APOL2: variants seen among roughly 807,000 people sequenced by gnomAD.
The protein encoded by APOL2 is apolipoprotein L2, also known as apolipoprotein L, 2.
In APOL2, 8 loss-of-function variants were observed where a neutral mutation model predicts 7.1. That is an observed-to-expected ratio of 1.12 (90% CI 0.66 to 2.03). The LOEUF (loss-of-function observed/expected upper bound fraction) is 2.03, where lower values mean the gene tolerates loss of function less well. Ranked by LOEUF, APOL2 falls within the 30% of genes most tolerant of loss-of-function variation. APOL2 has a pLI of 0.00. For missense variants in APOL2, 471 were observed against 415.1 expected (o/e 1.13, Z -1.17); for synonymous variants, 177 against 159.9 (o/e 1.11, Z -0.81).
At chr22:36,229,992 AG>A (rs1242509213) in intron 4 of APOL2, among the ~76,000 whole-genome samples, 1 of 152,194 alleles carries the variant, frequency 6.6e-6, no homozygotes, top group Non-Finnish European at 1.5e-5. Flanking sequence ...TCTCACTCGC[AG>A]GTGTCACCAG....
At chr22:36,231,280 C>T (rs1256643571) in intron 4 of APOL2, 60 bp downstream of exon 4, 10 of 1,595,438 alleles carry the variant, frequency 6.3e-6, no homozygotes, top group African/African-American at 2.7e-5. Context: ...ACAACCAGCC[C>T]AGGGGAGATC....
chr22:36,239,483 T>C lies in APOL2; in HGVS notation c.-176A>G. The C allele has an allele frequency of 6.3e-7, 1 of 1,583,180 alleles. No homozygotes were observed. Among genetic ancestry groups the C allele is most frequent in the Non-Finnish European group, 8.5e-7 (1 of 1,171,360 alleles). Reference sequence around the variant, plus strand: ...ACAGAGACTGAGCAAGATCCAACTGTTCTGAGCTGTGTGGATCCCACGTCC... The same window carrying C: ...ACAGAGACTGAGCAAGATCCAACTGCTCTGAGCTGTGTGGATCCCACGTCC... On this transcript the variant is annotated 5_prime_UTR_variant, in exon 1 of 5. Transcript: ENST00000358502.
intron 4 of APOL2, among the ~76,000 whole-genome samples, chr22:36,228,822 G>A (rs2015116116): frequency 6.6e-6 from 1 of 152,214 alleles, no homozygotes; most frequent in Non-Finnish European, 1.5e-5. Context: ...GGATGATAGG[G>A]TTTGGGGCTA....
intron 4 of APOL2, among the ~76,000 whole-genome samples, chr22:36,230,581 A>G (rs1327380459): frequency 6.6e-6 from 1 of 152,092 alleles, no homozygotes; most frequent in East Asian, 1.9e-4. Flanking sequence ...AGGCTCTGAC[A>G]CTGGTCCCGG....
At chr22:36,238,678 C>T (rs1212510637) in intron 1 of APOL2, among the ~76,000 whole-genome samples, 2 of 152,222 alleles carry the variant, frequency 1.3e-5, no homozygotes, top group Non-Finnish European at 2.9e-5. Context: ...GCAAAGCTGG[C>T]ATCATGCCAC....
At chr22:36,239,232 C>G in intron 1 of APOL2, 2 of 1,361,434 alleles carry the variant, frequency 1.5e-6, no homozygotes. Context: ...TTCCCCACCT[C>G]TCTCTACAGT....
At chr22:36,239,609 T>G (rs1446352133), upstream of APOL2, 2 of 1,099,142 alleles carry the variant, frequency 1.8e-6, no homozygotes, top group Non-Finnish European at 2.7e-6. Context: ...CAGCAGCTCA[T>G]GACCAAGCAC....
rs1354095303 is a variant in APOL2 at position 36,226,652 on chromosome 22, A to G, written c.*752T>C. Reference sequence around the variant, plus strand: ...AGGGAAAGACTTTATTCTTGGAAGGACATCAAACCTGGGGGGGGGTCGGTA... The same window carrying G: ...AGGGAAAGACTTTATTCTTGGAAGGGCATCAAACCTGGGGGGGGGTCGGTA... On this transcript the variant is annotated 3_prime_UTR_variant, in exon 5 of 5. Transcript: ENST00000358502. 2 of 128,644 alleles carry G rather than the reference A, an allele frequency of 1.6e-5. No homozygotes were observed. Among genetic ancestry groups the G allele is most frequent in the Non-Finnish European group, 3.2e-5 (2 of 61,956 alleles). The allele number at this position is 128,644 out of a possible 1,614,324, so 8.0% of individuals were successfully genotyped here.
In APOL2 at chr22:36,227,892, G is replaced by C; in HGVS notation, c.526C>G (p.Arg176Gly). The change falls in exon 5 of 5, where the codon CGG becomes GGG. Residue 176 changes from arginine (R) to glycine (G), a missense_variant. Arg to Gly is a moderately radical substitution (Grantham distance 125). Transcript: ENST00000358502. ...CSVVELVNKL[R>G]ARAQARNLDQ... is the part of the protein sequence containing the mutation. ...AAGTTGCGGGCTTGGGCTCGTGCCC[G>C]CAATTTGTTTACTAGTTCTACCACA... 6.2e-7 allele frequency: 1 copy of C among 1,614,196 alleles called. No individual in the cohort carries two copies. The highest frequency in any genetic ancestry group is 1.1e-5 in the South Asian group (1 of 91,080).
chr22:36,233,377 C>A, intron 2 of APOL2, 25 bp downstream of exon 2: 8 of 1,555,976 alleles, frequency 5.1e-6, no homozygotes, highest in Non-Finnish European at 6.9e-6. Context: ...TGGGGCCCTG[C>A]CAGCTAGTAT....
chr22:36,231,267 G>A (rs2015211194), intron 4 of APOL2, 73 bp downstream of exon 4: 2 of 1,567,010 alleles, frequency 1.3e-6, no homozygotes, highest in South Asian at 2.3e-5. Context: ...GTGCCTGTCA[G>A]GGACAACCAG....
chr22:36,237,706 G>A (rs2015457157), intron 1 of APOL2, among the ~76,000 whole-genome samples: 1 of 152,156 alleles, frequency 6.6e-6, no homozygotes, highest in African/African-American at 2.4e-5. Context: ...CCGTGGCACT[G>A]CACCCTTCTG....
At chr22:36,230,408 A>C (rs1480080158) in intron 4 of APOL2, among the ~76,000 whole-genome samples, 1 of 152,190 alleles carries the variant, frequency 6.6e-6, no homozygotes, top group East Asian at 1.9e-4. Flanking sequence ...CAGACAGGGA[A>C]GAAATATCCC....
chr22:36,227,094 T>C lies in APOL2; in HGVS notation c.*310A>G, dbSNP rs913045982. ...ACTTTGGGAGGCCGAGGTGGGCAGA[T>C]CACGAGGTCAGGAGATGGAGACCAT... On this transcript the variant is annotated 3_prime_UTR_variant, in exon 5 of 5. Coordinates refer to ENST00000358502, the MANE Select transcript of APOL2 (RefSeq NM_030882.4). 2 of 234,408 alleles carry C rather than the reference T, an allele frequency of 8.5e-6. No individual in the cohort carries two copies. The highest frequency in any genetic ancestry group is 1.7e-5 in the Non-Finnish European group (2 of 121,200). 14.5% of individuals were successfully genotyped at this position (234,408 alleles called of 1,614,324 possible).
chr22:36,230,956 G>A (rs2015202546), intron 4 of APOL2, among the ~76,000 whole-genome samples: 1 of 152,198 alleles, frequency 6.6e-6, no homozygotes. Flanking sequence ...CACCAAGCTT[G>A]TAAGATGTTA....
chr22:36,231,173 G>T (rs1279802541), intron 4 of APOL2, among the ~76,000 whole-genome samples, 167 bp downstream of exon 4: 1 of 152,248 alleles, frequency 6.6e-6, no homozygotes. Flanking sequence ...CTCACTGCCA[G>T]CGAAGGACAT....
intron 1 of APOL2, chr22:36,237,031 A>C (rs1269945838): frequency 1.4e-6 from 2 of 1,446,588 alleles, no homozygotes; most frequent in Non-Finnish European, 1.8e-6. Context: ...GAAGAGGAGC[A>C]GGAGGGCAGA....
At position 36,226,804 on chromosome 22, in the gene APOL2, T is replaced by A. The variant is rs773851499; in HGVS notation, c.*600A>T. Reference sequence around the variant, plus strand: ...AGCTCCCCCTCTATTCTTCGCCCAATATATTCTTTAGTCCAAAGTAAACTA... The same window carrying A: ...AGCTCCCCCTCTATTCTTCGCCCAAAATATTCTTTAGTCCAAAGTAAACTA... On this transcript the variant is annotated 3_prime_UTR_variant, in exon 5 of 5. Transcript: ENST00000358502. The A allele has an allele frequency of 6.3e-6, 1 of 158,642 alleles. No individual in the cohort carries two copies. Among genetic ancestry groups the A allele is most frequent in the African/African-American group, 2.4e-5 (1 of 41,448 alleles). 9.8% of individuals were successfully genotyped at this position (158,642 alleles called of 1,614,324 possible).
intron 1 of APOL2, chr22:36,237,143 C>A (rs2015434177): frequency 6.5e-7 from 1 of 1,527,158 alleles, no homozygotes; most frequent in African/African-American, 1.4e-5. Flanking sequence ...TTGTCTGGAG[C>A]CTCTGCTGGG....
Sources: allele counts gnomAD v4.1 joint callset (sites outside exome capture counted in the v4.1 genomes callset), GRCh38; gene constraint gnomAD v4.1.1; transcripts MANE v1.5; gene names NCBI Gene and HGNC (gene_info 2026-07-23, HGNC 2026-07-21).